The following SMG1 variants were observed in gnomAD, a reference collection of about 807,000 sequenced individuals.
SMG1 encodes SMG1 nonsense mediated mRNA decay associated PI3K related kinase.
Under a neutral mutation model 419.9 loss-of-function variants are expected in SMG1, and 22 were observed. The observed-to-expected ratio is 0.05, with a 90% CI of 0.04 to 0.07. The LOEUF is 0.07. SMG1 is among the 10% of genes least tolerant of loss of function. The probability of loss-of-function intolerance (pLI) is 1.00; values close to 1 mark genes in which losing one functional copy is unlikely to be tolerated. For synonymous variants in SMG1, 1,538 were observed against 1,553.5 expected (o/e 0.99, Z 0.23); for missense variants, 3,185 against 4,342.0 (o/e 0.73, Z 7.49).
At chr16:18,915,122 C>T (rs543124612) in intron 1 of SMG1, among the ~76,000 whole-genome samples, 1 of 152,060 alleles carries the variant, frequency 6.6e-6, no homozygotes, top group African/African-American at 2.4e-5. Context: ...CAGGTGTGTG[C>T]CACCATGCCC....
chr16:18,832,741 CTTTT>C (rs996994000), intron 51 of SMG1, among the ~76,000 whole-genome samples, 195 bp downstream of exon 51: 1 of 150,978 alleles, frequency 6.6e-6, no homozygotes, highest in Non-Finnish European at 1.5e-5. Context: ...CCTGCCTGCA[CTTTT>C]TTTTTAAGCA....
In SMG1 at chr16:18,879,501, G is replaced by A. The variant is rs973434304; in HGVS notation, c.1512C>T (p.Leu504=). 2.9e-5 allele frequency: 24 copies of A among 823,162 alleles called. No homozygotes were observed. The highest frequency in any genetic ancestry group is 2.7e-4 in the African/African-American group (16 of 59,308). The allele number at this position is 823,162 out of a possible 1,614,324, so 51.0% of individuals were successfully genotyped here. ...TDYIISVLNL[L]TLIVEQINTK... is the part of the protein sequence containing the mutation. ...AAAAGAATAATTCACATACCAGCGT[G>A]AGTAAATTCAAGACTGAGATGATAT... The change falls in exon 11 of 63, where the codon CTC becomes CTT. Residue 504 remains leucine, a synonymous_variant. Coordinates refer to ENST00000446231, the MANE Select transcript of SMG1 (RefSeq NM_015092.5).
chr16:18,908,414 ATCACT>A (rs1414578371), intron 1 of SMG1, among the ~76,000 whole-genome samples: 1 of 150,064 alleles, frequency 6.7e-6, no homozygotes, highest in Non-Finnish European at 1.5e-5. Flanking sequence ...AAGATTAAGA[ATCACT>A]AAGAGTTACA....
At chr16:18,855,037 A>C in intron 29 of SMG1, 133 bp from the exon 30 acceptor site, 1 of 800,532 alleles carries the variant, frequency 1.2e-6, no homozygotes, top group Non-Finnish European at 1.9e-6. Context: ...TCATCCTCAA[A>C]TCCCTAGCAG....
In SMG1 at chr16:18,854,016, CTGT is replaced by C; in HGVS notation, c.4484-152_4484-150del. On this transcript the variant is annotated intron_variant, in intron 30 of 62. Coordinates refer to ENST00000446231, the MANE Select transcript of SMG1 (RefSeq NM_015092.5). Reference sequence around the variant, plus strand: ...TATGCTCAAGCATAGGAGGCTCCTACTGTCTTAGCCTCCCAAAGTGCTGAGATT... The same window carrying C: ...TATGCTCAAGCATAGGAGGCTCCTACCTTAGCCTCCCAAAGTGCTGAGATT... 1.0e-5 allele frequency: 7 copies of C among 682,016 alleles called. No individual in the cohort carries two copies. The East Asian group carries it at 2.0e-4, about 19-fold the overall frequency. 42.2% of individuals were successfully genotyped at this position (682,016 alleles called of 1,614,324 possible).
chr16:18,860,084 G>A (rs2141473030), intron 26 of SMG1, among the ~76,000 whole-genome samples: 1 of 152,264 alleles, frequency 6.6e-6, no homozygotes, highest in Admixed American at 6.5e-5. Flanking sequence ...TGGGCACGGT[G>A]GCAGACACCT....
At chr16:18,897,231 G>C (rs1277748979) in intron 1 of SMG1, among the ~76,000 whole-genome samples, 1 of 152,100 alleles carries the variant, frequency 6.6e-6, no homozygotes, top group Non-Finnish European at 1.5e-5. Flanking sequence ...TGACTTTGCT[G>C]GTTTTACCAT....
At chr16:18,887,721 T>C (rs1199667793) in intron 6 of SMG1, among the ~76,000 whole-genome samples, 1 of 134,406 alleles carries the variant, frequency 7.4e-6, no homozygotes, top group Non-Finnish European at 1.5e-5. Context: ...TCCTTTATAT[T>C]TTTTAAACTA....
intron 1 of SMG1, chr16:18,899,991 A>G (rs747306175): frequency 6.5e-7 from 1 of 1,527,608 alleles, no homozygotes; most frequent in South Asian, 1.2e-5. Flanking sequence ...TCATACCTCA[A>G]AAATCGCATA....
chr16:18,867,700 CTTTT>C (rs778044384), intron 22 of SMG1, among the ~76,000 whole-genome samples: 19,661 of 86,414 alleles, frequency 0.23, 651 homozygotes, highest in Non-Finnish European at 0.3. Flanking sequence ...ATTTTAACTT[CTTTT>C]TTTTTTTTTT....
At chr16:18,882,867 T>C (rs922880218) in intron 9 of SMG1, among the ~76,000 whole-genome samples, 1 of 152,230 alleles carries the variant, frequency 6.6e-6, no homozygotes, top group South Asian at 2.1e-4. Flanking sequence ...AACCAATGTA[T>C]GCATCTACCT....
intron 50 of SMG1, among the ~76,000 whole-genome samples, chr16:18,833,475 T>C (rs1220328000): frequency 3.9e-5 from 6 of 152,166 alleles, no homozygotes; most frequent in African/African-American, 1.4e-4. Flanking sequence ...TGTTATATAA[T>C]GTTATTAATT....
rs1169048073 is a variant in SMG1, at chr16:18,834,448, A to G, written c.8331-10T>C. The G allele has an allele frequency of 6.2e-7, 1 of 1,609,640 alleles. No individual in the cohort carries two copies. Among genetic ancestry groups the G allele is most frequent in the African/African-American group, 1.3e-5 (1 of 74,950 alleles). On this transcript the variant is annotated splice_polypyrimidine_tract_variant and intron_variant, in intron 49 of 62. Coordinates refer to ENST00000446231, the MANE Select transcript of SMG1 (RefSeq NM_015092.5). ...CATCATCAGGTTACGCCTACAAGAGATAAATATCTGTACAGTGAAACTTAA... is the reference window on the plus strand; with the variant it reads ...CATCATCAGGTTACGCCTACAAGAGGTAAATATCTGTACAGTGAAACTTAA...
Position 18,904,282 on chromosome 16 carries a change from T to C in SMG1, c.93-7326A>G, listed in dbSNP as rs543456187. On this transcript the variant is annotated intron_variant, in intron 1 of 62. Transcript: ENST00000446231. ...AAATCTCCCATTTTACTACTGCTTA[T>C]CACATCATCAACATATGAGCACTCT... 6.6e-5 allele frequency among the ~76,000 whole-genome samples: 10 copies of C among 151,030 alleles called. No homozygotes were observed. The South Asian group carries it at 1.9e-3, about 28-fold the overall frequency.
At chr16:18,856,414 G>GC (rs1376378890) in intron 29 of SMG1, 1 of 145,350 alleles carries the variant, frequency 6.9e-6, no homozygotes, top group Non-Finnish European at 1.5e-5. Flanking sequence ...TTGGCTCAAT[G>GC]CAAGATCCGC....
At chr16:18,851,464 G>A (rs1486804278) in intron 33 of SMG1, among the ~76,000 whole-genome samples, 1 of 152,194 alleles carries the variant, frequency 6.6e-6, no homozygotes, top group Non-Finnish European at 1.5e-5. Context: ...TCGTGCACTG[G>A]CATATTTTAA....
At chr16:18,875,592 C>CA (rs34136187) in intron 13 of SMG1, 14,390 of 127,348 alleles carry the variant, frequency 0.11, 933 homozygotes, top group African/African-American at 0.21. Context: ...ACCCCATCTC[C>CA]AAAAAAAAAA....
At chr16:18,810,347 T>C (rs911749470) in intron 62 of SMG1, among the ~76,000 whole-genome samples, 1 of 152,110 alleles carries the variant, frequency 6.6e-6, no homozygotes, top group Non-Finnish European at 1.5e-5. Context: ...CAGACAAATA[T>C]AAATGGAGGC....
intron 1 of SMG1, among the ~76,000 whole-genome samples, chr16:18,920,920 C>G (rs1458228514): frequency 6.6e-6 from 1 of 151,972 alleles, no homozygotes; most frequent in Non-Finnish European, 1.5e-5. Context: ...GGTGGATCAC[C>G]TGAGGTCAGC....
Sources: allele counts gnomAD v4.1 joint callset (sites outside exome capture counted in the v4.1 genomes callset), GRCh38; gene constraint gnomAD v4.1.1; transcripts MANE v1.5; gene names NCBI Gene and HGNC (gene_info 2026-07-23, HGNC 2026-07-21).